The following MTA3 variants were observed in gnomAD, a reference collection of about 807,000 sequenced individuals.
MTA3 encodes metastasis associated 1 family member 3.
A neutral mutation model predicts 83.5 loss-of-function variants in MTA3; 34 were observed. The observed-to-expected ratio is 0.41, with a 90% CI of 0.31 to 0.54. The LOEUF (loss-of-function observed/expected upper bound fraction) is 0.54. Ranked by LOEUF, MTA3 falls within the 20% of genes least tolerant of loss-of-function variation. MTA3 has a pLI of 0.33. For synonymous variants in MTA3, 303 were observed against 252.7 expected (o/e 1.20, Z -1.89); for missense variants, 761 against 726.4 (o/e 1.05, Z -0.55).
intron 4 of MTA3, among the ~76,000 whole-genome samples, chr2:42,612,362 G>A (rs997235328): frequency 6.6e-6 from 1 of 151,958 alleles, no homozygotes; most frequent in African/African-American, 2.4e-5. Flanking sequence ...CTACAGGCTT[G>A]TGCCACCATG....
intron 2 of MTA3, among the ~76,000 whole-genome samples, chr2:42,557,078 A>T (rs370648319): frequency 6.6e-6 from 1 of 152,076 alleles, no homozygotes; most frequent in Non-Finnish European, 1.5e-5. Flanking sequence ...CTTTGTGCCC[A>T]CAAAATTTAA....
At chr2:42,720,269 G>A (rs949765857) in intron 15 of MTA3, among the ~76,000 whole-genome samples, 2 of 151,752 alleles carry the variant, frequency 1.3e-5, no homozygotes, top group Non-Finnish European at 2.9e-5. Context: ...TGCAAGCTCC[G>A]CCTCCCAGGT....
intron 2 of MTA3, among the ~76,000 whole-genome samples, chr2:42,561,210 T>A (rs1677658464): frequency 6.6e-6 from 1 of 152,204 alleles, no homozygotes; most frequent in Non-Finnish European, 1.5e-5. Context: ...TTTCAGTTCT[T>A]AGCATATACA....
chr2:42,744,835 C>A (rs991101829), intron 16 of MTA3, among the ~76,000 whole-genome samples: 1 of 152,172 alleles, frequency 6.6e-6, no homozygotes, highest in Non-Finnish European at 1.5e-5. Flanking sequence ...TAAAGAACAA[C>A]CCCAGAAACC....
chr2:42,584,191 T>C (rs1680002505), intron 3 of MTA3, among the ~76,000 whole-genome samples: 1 of 152,072 alleles, frequency 6.6e-6, no homozygotes, highest in Non-Finnish European at 1.5e-5. Flanking sequence ...ACTTTCATCA[T>C]GTACAAGCAG....
chr2:42,691,157 G>A (rs1287496756), intron 9 of MTA3, among the ~76,000 whole-genome samples: 5 of 151,642 alleles, frequency 3.3e-5, no homozygotes, highest in African/African-American at 1.2e-4. Context: ...GATTACAGGC[G>A]CATGCCACCA....
At chr2:42,566,564 T>TG (rs1358303577), upstream of MTA3, among the ~76,000 whole-genome samples, 2 of 152,100 alleles carry the variant, frequency 1.3e-5, no homozygotes, top group South Asian at 2.1e-4. Context: ...AGGCCTTTCA[T>TG]GGGGGGCTTC....
At chr2:42,642,183 A>G (rs979477130) in intron 5 of MTA3, among the ~76,000 whole-genome samples, 4 of 152,132 alleles carry the variant, frequency 2.6e-5, no homozygotes, top group African/African-American at 7.2e-5. Flanking sequence ...TAAACCAAAC[A>G]TATTTTGAAT....
At chr2:42,501,109 C>T (rs778626321) in intron 2 of MTA3, among the ~76,000 whole-genome samples, 3 of 152,130 alleles carry the variant, frequency 2.0e-5, no homozygotes, top group Non-Finnish European at 4.4e-5. Flanking sequence ...CGCGCGTGAC[C>T]TGTATAGCAT....
intron 3 of MTA3, among the ~76,000 whole-genome samples, chr2:42,599,790 G>A (rs1682325251): frequency 6.6e-6 from 1 of 152,000 alleles, no homozygotes; most frequent in African/African-American, 2.4e-5. Flanking sequence ...GACTCATTTG[G>A]TGGGTTTTTG....
intron 2 of MTA3, among the ~76,000 whole-genome samples, chr2:42,530,252 G>A (rs1675897508): frequency 6.6e-6 from 1 of 151,892 alleles, no homozygotes; most frequent in African/African-American, 2.4e-5. Flanking sequence ...CACTTTGGGA[G>A]GCCAAGACAG....
At chr2:42,699,414 C>T (rs368151445) in intron 11 of MTA3, among the ~76,000 whole-genome samples, 17 of 152,056 alleles carry the variant, frequency 1.1e-4, no homozygotes, top group Admixed American at 3.3e-4. Context: ...CCCAGGAGTT[C>T]TCATGAACAG....
At chr2:42,549,121 C>A (rs995887796) in intron 2 of MTA3, among the ~76,000 whole-genome samples, 13 of 136,720 alleles carry the variant, frequency 9.5e-5, no homozygotes, top group Admixed American at 2.6e-4. Context: ...TGCAGTGAGC[C>A]GAGATCGTGC....
At chr2:42,725,998 T>TCCTGATTAA (rs1461042383) in intron 16 of MTA3, among the ~76,000 whole-genome samples, 1 of 152,196 alleles carries the variant, frequency 6.6e-6, no homozygotes, top group African/African-American at 2.4e-5. Flanking sequence ...GGGTATAGGA[T>TCCTGATTAA]CCTGATTAAC....
chr2:42,722,475 C>T (rs1255742119), intron 15 of MTA3, among the ~76,000 whole-genome samples: 1 of 152,122 alleles, frequency 6.6e-6, no homozygotes, highest in Non-Finnish European at 1.5e-5. Context: ...AGTTCGCATA[C>T]GTGACATGGT....
At chr2:42,503,104 A>T (rs914665920) in intron 2 of MTA3, among the ~76,000 whole-genome samples, 6 of 152,212 alleles carry the variant, frequency 3.9e-5, no homozygotes, top group South Asian at 2.1e-4. Context: ...TTGTTAGAGA[A>T]GTAATGGATT....
chr2:42,573,379 T>G (rs1338347841), intron 2 of MTA3, among the ~76,000 whole-genome samples: 1 of 152,186 alleles, frequency 6.6e-6, no homozygotes, highest in East Asian at 1.9e-4. Flanking sequence ...AGGGTCTCAC[T>G]CTGTCACCCA....
intron 2 of MTA3, among the ~76,000 whole-genome samples, chr2:42,559,233 G>A (rs1345135435): frequency 6.6e-6 from 1 of 152,222 alleles, no homozygotes; most frequent in Non-Finnish European, 1.5e-5. Flanking sequence ...TGGGCGCAGT[G>A]GCTCACGCCT....
At chr2:42,629,612 A>T (rs1270899964) in intron 4 of MTA3, among the ~76,000 whole-genome samples, 1 of 152,054 alleles carries the variant, frequency 6.6e-6, no homozygotes, top group Non-Finnish European at 1.5e-5. Context: ...GGGAATTTGC[A>T]GTTGGGGTTT....
Sources: gnomAD v4.1 joint callset for allele counts (sites outside exome capture counted in the v4.1 genomes callset) on GRCh38, gnomAD v4.1.1 for gene constraint, MANE v1.5 for transcripts, NCBI Gene and HGNC (gene_info 2026-07-23, HGNC 2026-07-21) for gene names.